The following CXCL9 variants were observed in gnomAD, a reference collection of about 807,000 sequenced individuals.
CXCL9 encodes C-X-C motif chemokine ligand 9, also known as C-X-C motif chemokine 9.
Under a neutral mutation model 11.7 loss-of-function variants are expected in CXCL9, and 8 were observed. The observed-to-expected ratio is 0.68, with a 90% CI of 0.40 to 1.23. CXCL9 has a LOEUF of 1.23. Among genes scored for constraint, CXCL9 ranks in the 50% most tolerant of loss-of-function variants. The probability of loss-of-function intolerance (pLI) is 0.01; values close to 1 mark genes in which losing one functional copy is unlikely to be tolerated. For synonymous variants in CXCL9, 43 were observed against 48.2 expected, an observed-to-expected ratio of 0.89 and a Z score of 0.45; for missense variants, 133 against 141.7, an observed-to-expected ratio of 0.94 and a Z score of 0.31.
chr4:76,003,339 A>T lies in CXCL9; in HGVS notation c.*259T>A. 3 of 410,784 alleles carry T rather than the reference A, an allele frequency of 7.3e-6. No homozygotes were observed. The South Asian group carries it at 8.9e-5, about 12-fold the overall frequency. 25.4% of individuals were successfully genotyped at this position (410,784 alleles called of 1,614,324 possible). ...CATCTGTGTAGACATGGGTATTGCT[A>T]AAATCATGGCCTTAAGCATGATGAA... On this transcript the variant is annotated 3_prime_UTR_variant, in exon 4 of 4. Coordinates refer to ENST00000264888, the MANE Select transcript of CXCL9 (RefSeq NM_002416.3).
In CXCL9 at chr4:76,002,845, G is replaced by A. The variant is rs3733236; in HGVS notation, c.*753C>T. 20,829 of 153,670 alleles carry A rather than the reference G, an allele frequency of 0.14. 2,046 individuals are homozygous for A. The highest frequency in any genetic ancestry group is 0.28 in the African/African-American group (11,646 of 41,566). The allele number at this position is 153,670 out of a possible 1,614,324, so 9.5% of individuals were successfully genotyped here. A position where few individuals can be genotyped will look rare whatever the true frequency, so the allele number is the denominator to read the frequency against. On this transcript the variant is annotated 3_prime_UTR_variant, in exon 4 of 4. Transcript: ENST00000264888. Reference sequence around the variant, plus strand: ...GGGGTGTTGGGGACAAGATGAGAAAGGAGTTGACTCAGATAAATCAGAGCA... The same window carrying A: ...GGGGTGTTGGGGACAAGATGAGAAAAGAGTTGACTCAGATAAATCAGAGCA...
In CXCL9 at chr4:76,006,199, T is replaced by C; in HGVS notation, c.140A>G (p.Lys47Arg). The C allele has an allele frequency of 5.0e-6, 8 of 1,613,866 alleles. No individual in the cohort carries two copies. The highest frequency in any genetic ancestry group is 6.8e-6 in the Non-Finnish European group (8 of 1,179,792). Residue 47 changes from lysine (K) to arginine (R), a missense_variant, in exon 2 of 4, where the codon AAA (lysine) becomes AGA (arginine). Coordinates refer to ENST00000264888, the MANE Select transcript of CXCL9 (RefSeq NM_002416.3). ...NQGTIHLQSL[K>R]DLKQFAPSPS... ...GCTTGGGGCAAATTGTTTAAGGTCT[T>C]TCAAGGATTGTAGGTGGATAGTCCC...
chr4:76,005,059 T>C, intron 2 of CXCL9, 166 bp from the exon 3 acceptor site: 3 of 1,084,044 alleles, frequency 2.8e-6, no homozygotes, highest in Admixed American at 4.2e-5. Context: ...TTTTTTTTTC[T>C]TTTTTTGAGA....
chr4:76,003,758 T>C (rs1175347129), intron 3 of CXCL9, 59 bp from the exon 4 acceptor site: 2 of 985,962 alleles, frequency 2.0e-6, no homozygotes, highest in East Asian at 4.8e-5. Flanking sequence ...TTACTTCCTT[T>C]TATTTGGACT....
chr4:76,006,815 T>A (rs1731595530), intron 1 of CXCL9, among the ~76,000 whole-genome samples: 1 of 152,220 alleles, frequency 6.6e-6, no homozygotes, highest in Non-Finnish European at 1.5e-5. Context: ...AATAGTGTTT[T>A]AAATTTTTGA....
intron 1 of CXCL9, among the ~76,000 whole-genome samples, chr4:76,007,033 C>G (rs1578168061): frequency 6.6e-6 from 1 of 152,122 alleles, no homozygotes; most frequent in East Asian, 1.9e-4. Context: ...GGGACAAATT[C>G]TCTGATTATT....
In CXCL9 at chr4:76,006,250, C is replaced by T. The variant is rs772025698; in HGVS notation, c.89G>A (p.Arg30His). 138 of 1,613,394 alleles carry T rather than the reference C, an allele frequency of 8.6e-5. No individual in the cohort carries two copies. Among genetic ancestry groups the T allele is most frequent in the Non-Finnish European group, 1.1e-4 (130 of 1,179,582 alleles). Reference protein sequence around the residue: ...VQGTPVVRKGRCSCISTNQGT... With the variant: ...VQGTPVVRKGHCSCISTNQGT... Reference sequence around the variant, plus strand: ...TTGGTTGGTGCTGATGCAGGAACAGCGACCCTTTCTCACTACTGGGGTTCC... The same window carrying T: ...TTGGTTGGTGCTGATGCAGGAACAGTGACCCTTTCTCACTACTGGGGTTCC... Residue 30 changes from arginine (R) to histidine (H), a missense_variant, in exon 2 of 4, where the codon CGC (arginine) becomes CAC (histidine). Physicochemically the swap from Arg to His is conservative, Grantham distance 29. Coordinates refer to ENST00000264888, the MANE Select transcript of CXCL9 (RefSeq NM_002416.3).
At chr4:76,004,992 CT>C in intron 2 of CXCL9, 99 bp from the exon 3 acceptor site, 1 of 1,338,104 alleles carries the variant, frequency 7.5e-7, no homozygotes, top group East Asian at 2.9e-5. Context: ...GCTGAATTTT[CT>C]AATGAAACTA....
intron 2 of CXCL9, 158 bp from the exon 3 acceptor site, chr4:76,005,051 T>C (rs1190098586): frequency 4.2e-6 from 5 of 1,183,302 alleles, no homozygotes; most frequent in Non-Finnish European, 5.4e-6. Context: ...TGAATTTTTT[T>C]TTTTTTCTTT....
chr4:76,002,709 G>C lies in CXCL9; in HGVS notation c.*889C>G, dbSNP rs1731498732. The C allele has an allele frequency of 4.4e-6, 1 of 226,142 alleles. No homozygotes were observed. The highest frequency in any genetic ancestry group is 2.3e-5 in the African/African-American group (1 of 44,384). The allele number at this position is 226,142 out of a possible 1,614,324, so 14.0% of individuals were successfully genotyped here. A position where few individuals can be genotyped will look rare whatever the true frequency, so the allele number is the denominator to read the frequency against. On this transcript the variant is annotated 3_prime_UTR_variant, in exon 4 of 4. Coordinates refer to ENST00000264888, the MANE Select transcript of CXCL9 (RefSeq NM_002416.3). The stretch of plus-strand genomic sequence containing the variant: ...TCACCCATGTGGTACTGAACCAAGT[G>C]AAACAGGAGTTTTAAGATAATTTGT...
chr4:76,002,692 G>T lies in CXCL9; in HGVS notation c.*906C>A. On this transcript the variant is annotated 3_prime_UTR_variant, in exon 4 of 4. Coordinates refer to ENST00000264888, the MANE Select transcript of CXCL9 (RefSeq NM_002416.3). ...AGTTAACCATTGAGTGTTCACCCATGTGGTACTGAACCAAGTGAAACAGGA... is the reference window on the plus strand; with the variant it reads ...AGTTAACCATTGAGTGTTCACCCATTTGGTACTGAACCAAGTGAAACAGGA... 2 of 252,268 alleles carry T rather than the reference G, an allele frequency of 7.9e-6. No homozygotes were observed. The highest frequency in any genetic ancestry group is 1.4e-4 in the East Asian group (2 of 14,136). 15.6% of individuals were successfully genotyped at this position (252,268 alleles called of 1,614,324 possible). A position where few individuals can be genotyped will look rare whatever the true frequency, so the allele number is the denominator to read the frequency against.
chr4:76,007,509 T>C lies in CXCL9; in HGVS notation c.-60A>G, dbSNP rs966026034. The C allele has an allele frequency of 6.6e-6, 6 of 906,112 alleles. No individual in the cohort carries two copies. Among genetic ancestry groups the C allele is most frequent in the Non-Finnish European group, 1.1e-5 (6 of 533,276 alleles). 56.1% of individuals were successfully genotyped at this position (906,112 alleles called of 1,614,324 possible). A position where few individuals can be genotyped will look rare whatever the true frequency, so the allele number is the denominator to read the frequency against. ...TGGATTTTGAGCCTGAGAAATTCTT[T>C]AGAGAACACATTTTGGGGATCATAT... On this transcript the variant is annotated 5_prime_UTR_variant, in exon 1 of 4. Transcript: ENST00000264888.
Position 76,003,552 on chromosome 4 carries a change from A to G in CXCL9, c.*46T>C. ...CTTTGGAATGATAGCGGTATAATTA[A>G]AATAGAACATTTTTAACACAGAATA... is the stretch of plus-strand genomic sequence containing the variant. On this transcript the variant is annotated 3_prime_UTR_variant, in exon 4 of 4. Coordinates refer to ENST00000264888, the MANE Select transcript of CXCL9 (RefSeq NM_002416.3). 1.8e-6 allele frequency: 2 copies of G among 1,123,872 alleles called. No individual in the cohort carries two copies. Among genetic ancestry groups the G allele is most frequent in the Non-Finnish European group, 2.7e-6 (2 of 745,364 alleles). The allele number at this position is 1,123,872 out of a possible 1,614,324, so 69.6% of individuals were successfully genotyped here. A position where few individuals can be genotyped will look rare whatever the true frequency, so the allele number is the denominator to read the frequency against.
rs1731515099 is a variant in CXCL9 at position 76,003,451 on chromosome 4, CT to C, written c.*146del. 7.0e-6 allele frequency: 4 copies of C among 574,658 alleles called. No individual in the cohort carries two copies. The highest frequency in any genetic ancestry group is 1.9e-5 in the African/African-American group (1 of 52,380). The allele number at this position is 574,658 out of a possible 1,614,324, so 35.6% of individuals were successfully genotyped here. ...TGGATTCTTAAAATCAACTTTCTAACTTTAGTTACAATTTCAGAGTAATGTT... is the reference window on the plus strand; with the variant it reads ...TGGATTCTTAAAATCAACTTTCTAACTTAGTTACAATTTCAGAGTAATGTT... On this transcript the variant is annotated 3_prime_UTR_variant, in exon 4 of 4. Transcript: ENST00000264888.
chr4:76,004,724 T>A, intron 3 of CXCL9, 85 bp downstream of exon 3: 1 of 1,497,794 alleles, frequency 6.7e-7, no homozygotes, highest in Non-Finnish European at 8.9e-7. Flanking sequence ...TATGTATTCT[T>A]ATAGTGTTAA....
Position 76,003,160 on chromosome 4 carries a change from T to C in CXCL9, c.*438A>G, listed in dbSNP as rs924048444. ...TGATGGCCACAGCAGCTTGGTGAGG[T>C]CCAGCTCAATTTCAAACTGCTTGGC... On this transcript the variant is annotated 3_prime_UTR_variant, in exon 4 of 4. Transcript: ENST00000264888. 1 of 159,928 alleles carries C rather than the reference T, an allele frequency of 6.3e-6. No homozygotes were observed. Among genetic ancestry groups the C allele is most frequent in the Admixed American group, 6.3e-5 (1 of 15,910 alleles). The allele number at this position is 159,928 out of a possible 1,614,324, so 9.9% of individuals were successfully genotyped here.
chr4:76,003,831 G>T, intron 3 of CXCL9, 132 bp from the exon 4 acceptor site: 1 of 619,586 alleles, frequency 1.6e-6, no homozygotes. Context: ...TTCACTCTCA[G>T]AGGGGCTCCC....
At chr4:76,006,562 T>C (rs187425771) in intron 1 of CXCL9, among the ~76,000 whole-genome samples, 1 of 152,230 alleles carries the variant, frequency 6.6e-6, no homozygotes, top group Admixed American at 6.5e-5. Context: ...TACCACACCG[T>C]AAGTCCGTGG....
In CXCL9 at chr4:76,001,661, T is replaced by A. The variant is rs1731467460; in HGVS notation, c.*1937A>T. ...CAATATGTAGTCTTTGGTTGTTAGT[T>A]ATATACTGTCTACCTGTGAGATGCA... On this transcript the variant is annotated 3_prime_UTR_variant, in exon 4 of 4. Transcript: ENST00000264888. The A allele has an allele frequency of 6.6e-6, 1 of 152,206 alleles. No individual in the cohort carries two copies. The highest frequency in any genetic ancestry group is 2.1e-4 in the South Asian group (1 of 4,820). 9.4% of individuals were successfully genotyped at this position (152,206 alleles called of 1,614,324 possible).
Sources: gnomAD v4.1 joint callset for allele counts (sites outside exome capture counted in the v4.1 genomes callset) on GRCh38, gnomAD v4.1.1 for gene constraint, MANE v1.5 for transcripts, NCBI Gene and HGNC (gene_info 2026-07-23, HGNC 2026-07-21) for gene names.